NPLOC4: variants seen among roughly 807,000 people sequenced by gnomAD.
NPLOC4 encodes the protein NPL4 homolog, ubiquitin recognition factor, also known as nuclear protein localization protein 4 homolog.
Under a neutral mutation model 80.6 loss-of-function variants are expected in NPLOC4, and 18 were observed. That is an observed-to-expected ratio of 0.22 (90% CI 0.15 to 0.33). The LOEUF (loss-of-function observed/expected upper bound fraction) is 0.33. NPLOC4 is among the 10% of genes least tolerant of loss of function. The pLI, the probability that NPLOC4 is intolerant of heterozygous loss-of-function variation, is 1.00. For synonymous variants in NPLOC4, 313 were observed against 301.5 expected (o/e 1.04, Z -0.39); for missense variants, 540 against 786.1 (o/e 0.69, Z 3.74).
chr17:81,565,341 C>CT, intron 16 of NPLOC4, 164 bp downstream of exon 16: 1 of 719,446 alleles, frequency 1.4e-6, no homozygotes, highest in Non-Finnish European at 2.5e-6. Context: ...TGCCACGTGC[C>CT]TGGCAGGGAG....
chr17:81,619,661 T>C (rs936683898), intron 3 of NPLOC4, among the ~76,000 whole-genome samples: 1 of 151,682 alleles, frequency 6.6e-6, no homozygotes, highest in African/African-American at 2.4e-5. Flanking sequence ...GGTGAATCAC[T>C]TGAGGTCAAG....
chr17:81,630,037 C>A lies in NPLOC4; in HGVS notation c.16-232G>T, dbSNP rs149831680. Among the ~76,000 whole-genome samples, 321 of 152,224 alleles carry A rather than the reference C, an allele frequency of 2.1e-3. 4 individuals carry two copies. The highest frequency in any genetic ancestry group is 7.5e-3 in the African/African-American group (313 of 41,518). On this transcript the variant is annotated intron_variant, in intron 1 of 16. Transcript: ENST00000331134. ...GTACTGTCCTCTCAACTCTTAGTTTCACTCAGAAAACAACTTTAATTCCTA... is the reference window on the plus strand; with the variant it reads ...GTACTGTCCTCTCAACTCTTAGTTTAACTCAGAAAACAACTTTAATTCCTA...
At chr17:81,607,227 A>G (rs998325751) in intron 6 of NPLOC4, among the ~76,000 whole-genome samples, 1 of 152,202 alleles carries the variant, frequency 6.6e-6, no homozygotes, top group Non-Finnish European at 1.5e-5. Flanking sequence ...AGATATTTGT[A>G]AAAAATTCTT....
chr17:81,584,850 AC>A (rs1470976770), intron 12 of NPLOC4, among the ~76,000 whole-genome samples: 1 of 152,134 alleles, frequency 6.6e-6, no homozygotes, highest in Non-Finnish European at 1.5e-5. Flanking sequence ...AAAACTGAAA[AC>A]CTTTCTAAGA....
At chr17:81,618,215 C>T (rs556897580) in intron 3 of NPLOC4, among the ~76,000 whole-genome samples, 3 of 151,162 alleles carry the variant, frequency 2.0e-5, no homozygotes, top group South Asian at 2.1e-4. Context: ...AAGTGAGGAG[C>T]GCCTCTTTCC....
intron 1 of NPLOC4, among the ~76,000 whole-genome samples, chr17:81,634,924 T>C (rs927457217): frequency 6.6e-6 from 1 of 152,104 alleles, no homozygotes; most frequent in Non-Finnish European, 1.5e-5. Flanking sequence ...TGGCCGGGCA[T>C]GGTAGCTCAG....
rs1210454449 is a variant in NPLOC4 at position 81,559,118 on chromosome 17, T to C, written c.*141A>G. The C allele has an allele frequency of 1.1e-6, 1 of 951,510 alleles. No individual in the cohort carries two copies. The highest frequency in any genetic ancestry group is 1.7e-5 in the African/African-American group (1 of 60,122). The allele number at this position is 951,510 out of a possible 1,614,324, so 58.9% of individuals were successfully genotyped here. A position where few individuals can be genotyped will look rare whatever the true frequency, so the allele number is the denominator to read the frequency against. ...GAACGTGCTGAGAAGCTTCAGTGGG[T>C]CAGGGAGCCCAGGACAGCCAGCCCC... On this transcript the variant is annotated 3_prime_UTR_variant, in exon 17 of 17. Transcript: ENST00000331134.
intron 12 of NPLOC4, among the ~76,000 whole-genome samples, chr17:81,575,618 C>T (rs376488586): frequency 3.3e-5 from 5 of 152,210 alleles, no homozygotes; most frequent in Non-Finnish European, 7.3e-5. Context: ...GCAAGGACAG[C>T]TGGACAGCTG....
Position 81,619,733 on chromosome 17 carries a change from C to T in NPLOC4, c.209+2433G>A, listed in dbSNP as rs184565223. Among the ~76,000 whole-genome samples the T allele has an allele frequency of 1.5e-4, 22 of 150,906 alleles. No homozygotes were observed. In the East Asian group the frequency reaches 4.3e-3, roughly 30 times the overall value. Reference sequence around the variant, plus strand: ...GTCTCTACTAAAAATACAAAAATTACCTGGGAATGGTGGTGGGCACCTGTA... The same window carrying T: ...GTCTCTACTAAAAATACAAAAATTATCTGGGAATGGTGGTGGGCACCTGTA... On this transcript the variant is annotated intron_variant, in intron 3 of 16. Transcript: ENST00000331134.
At chr17:81,581,676 G>A (rs74002441) in intron 12 of NPLOC4, among the ~76,000 whole-genome samples, 4,101 of 152,276 alleles carry the variant, frequency 0.027, 112 homozygotes, top group African/African-American at 0.066. Context: ...GTATACTCCC[G>A]GGGCGCCAGC....
intron 12 of NPLOC4, among the ~76,000 whole-genome samples, chr17:81,582,926 G>C (rs554099064): frequency 6.6e-6 from 1 of 152,358 alleles, no homozygotes; most frequent in South Asian, 2.1e-4. Context: ...CCGATTCGAA[G>C]AAACACACAA....
intron 1 of NPLOC4, among the ~76,000 whole-genome samples, chr17:81,633,084 C>T (rs9890852): frequency 0.43 from 63,254 of 146,622 alleles, 14,714 homozygotes; most frequent in East Asian, 0.77. Context: ...GAGCAGATCG[C>T]GCCACTGCAC....
intron 3 of NPLOC4, 36 bp downstream of exon 3, chr17:81,622,130 C>T: frequency 6.8e-7 from 1 of 1,476,442 alleles, no homozygotes; most frequent in Non-Finnish European, 9.5e-7. Context: ...ACCTCATTTC[C>T]CCCCATTCCC....
In NPLOC4 at chr17:81,585,170, C is replaced by CAAAAAAAAAAAA. The variant is rs35473939; in HGVS notation, c.1281+3762_1281+3773dup. Among the ~76,000 whole-genome samples the CAAAAAAAAAAAA allele has an allele frequency of 9.8e-5, 4 of 40,884 alleles. 1 individual carries two copies. The highest frequency in any genetic ancestry group is 3.9e-4 in the African/African-American group (3 of 7,624). 26.8% of individuals were successfully genotyped at this position (40,884 alleles called of 152,430 possible). On this transcript the variant is annotated intron_variant, in intron 12 of 16. Transcript: ENST00000331134. ...GGGCGACAGAACGAGACTCTGTCGCCAAAAAAAAAAAAAAAAAAAAAAAAA... is the reference window on the plus strand; with the variant it reads ...GGGCGACAGAACGAGACTCTGTCGCCAAAAAAAAAAAAAAAAAAAAAAAAAAAAAAAAAAAAA...
rs1242378429 is a variant in NPLOC4 at position 81,603,010 on chromosome 17, CA to C, written c.834+1537del. On this transcript the variant is annotated intron_variant, in intron 8 of 16. Coordinates refer to ENST00000331134, the MANE Select transcript of NPLOC4 (RefSeq NM_017921.4). ...ACACACACACACACACACACACACA[CA>C]CACATATAAAAGTCAGACATGGTGG... Among the ~76,000 whole-genome samples, 6 of 119,712 alleles carry C rather than the reference CA, an allele frequency of 5.0e-5. No individual in the cohort carries two copies. The Admixed American group carries it at 5.4e-4, about 11-fold the overall frequency. The allele number at this position is 119,712 out of a possible 152,430, so 78.5% of individuals were successfully genotyped here.
chr17:81,599,196 G>A (rs1215847897), intron 9 of NPLOC4, among the ~76,000 whole-genome samples: 1 of 151,934 alleles, frequency 6.6e-6, no homozygotes, highest in East Asian at 1.9e-4. Context: ...GGCTGAGGCA[G>A]GAGAATCACT....
At chr17:81,624,656 T>C (rs1009913084) in intron 2 of NPLOC4, among the ~76,000 whole-genome samples, 16 of 151,332 alleles carry the variant, frequency 1.1e-4, no homozygotes, top group African/African-American at 3.9e-4. Context: ...TACCAACAAA[T>C]GGGGGAGACA....
chr17:81,603,344 T>A (rs1304792594), intron 8 of NPLOC4, among the ~76,000 whole-genome samples: 5 of 152,126 alleles, frequency 3.3e-5, no homozygotes, highest in Non-Finnish European at 7.4e-5. Context: ...ACCTGTAATC[T>A]CAACACTTCA....
rs577772267 is a variant in NPLOC4, at chr17:81,633,482, C to T, written c.15+3434G>A. 2.6e-5 allele frequency among the ~76,000 whole-genome samples: 4 copies of T among 152,288 alleles called. No individual in the cohort carries two copies. In the East Asian group the frequency reaches 7.7e-4, roughly 29 times the overall value. On this transcript the variant is annotated intron_variant, in intron 1 of 16. Coordinates refer to ENST00000331134, the MANE Select transcript of NPLOC4 (RefSeq NM_017921.4). ...AAGATGGGAGTCCAGGTTTCCAAGG[C>T]CAACTCCAGTATTTAACAAGAGACA...
Sources: allele counts gnomAD v4.1 joint callset (sites outside exome capture counted in the v4.1 genomes callset), GRCh38; gene constraint gnomAD v4.1.1; transcripts MANE v1.5; gene names NCBI Gene and HGNC (gene_info 2026-07-23, HGNC 2026-07-21).